Variants in PIWIL2 observed in about 807,000 individuals in gnomAD.
The protein encoded by PIWIL2 is piwi like RNA-mediated gene silencing 2.
A neutral mutation model predicts 116.5 loss-of-function variants in PIWIL2; 81 were observed. The ratio of observed to expected loss-of-function variants is 0.70; its 90% CI spans 0.58 to 0.84. The LOEUF (loss-of-function observed/expected upper bound fraction) is 0.84, where lower values mean the gene tolerates loss of function less well. Among genes scored for constraint, PIWIL2 ranks in the 40% least tolerant of loss-of-function variants. The pLI is 0.00. For synonymous variants in PIWIL2, 489 were observed against 429.5 expected (o/e 1.14, Z -1.71); for missense variants, 1,272 against 1,212.3 (o/e 1.05, Z -0.73).
At chr8:22,344,345 A>G (rs1832177905) in intron 20 of PIWIL2, among the ~76,000 whole-genome samples, 1 of 152,250 alleles carries the variant, frequency 6.6e-6, no homozygotes, top group African/African-American at 2.4e-5. Flanking sequence ...TAGTTAATGT[A>G]TCAACATTTG....
intron 20 of PIWIL2, among the ~76,000 whole-genome samples, chr8:22,333,347 C>T: frequency 6.6e-6 from 1 of 152,126 alleles, no homozygotes; most frequent in Non-Finnish European, 1.5e-5. Flanking sequence ...CGCAGTGGCT[C>T]ACGCCTGTAA....
chr8:22,347,169 CAAAA>C (rs757849935), intron 20 of PIWIL2, among the ~76,000 whole-genome samples: 74 of 75,160 alleles, frequency 9.8e-4, no homozygotes, highest in African/African-American at 3.6e-3. Context: ...GACGTTGTCT[CAAAA>C]AAAAAAAAAA....
chr8:22,327,008 A>G (rs1219883108), intron 20 of PIWIL2, among the ~76,000 whole-genome samples: 2 of 112,912 alleles, frequency 1.8e-5, no homozygotes, highest in African/African-American at 3.4e-5. Context: ...AACAATTGCT[A>G]TTTTCTGTTT....
rs911996912 is a variant in PIWIL2 at position 22,314,364 on chromosome 8, C to T, written c.2026C>T (p.Pro676Ser). The change falls in exon 17 of 23, where the codon CCA becomes TCA. Residue 676 changes from proline (P) to serine (S), a missense_variant. Coordinates refer to ENST00000356766, the MANE Select transcript of PIWIL2 (RefSeq NM_018068.5). ...GATGGTTGTTTGCATCATCATGGGC[C>T]CACGTGATGATCTCTATGGGGCCAT... The part of the protein sequence containing the change: ...IQMVVCIIMG[P>S]RDDLYGAIKK... 1.9e-6 allele frequency: 3 copies of T among 1,580,440 alleles called. No individual in the cohort carries two copies. In the African/African-American group the frequency reaches 4.1e-5, roughly 21 times the overall value.
intron 10 of PIWIL2, among the ~76,000 whole-genome samples, chr8:22,291,117 C>T (rs377063204): frequency 5.3e-5 from 8 of 151,512 alleles, no homozygotes; most frequent in East Asian, 1.9e-4. Flanking sequence ...TATAGGCGCC[C>T]GCCACCATGT....
chr8:22,310,797 T>C (rs914695520), intron 15 of PIWIL2, among the ~76,000 whole-genome samples: 12 of 152,236 alleles, frequency 7.9e-5, no homozygotes, highest in Non-Finnish European at 1.3e-4. Context: ...CCAATTTCTG[T>C]ACTTTACATA....
intron 10 of PIWIL2, among the ~76,000 whole-genome samples, chr8:22,294,355 A>T (rs2132009357): frequency 7.0e-6 from 1 of 143,670 alleles, no homozygotes; most frequent in Middle Eastern, 4.2e-3. Flanking sequence ...AAAAAAAAAA[A>T]AAAGGTCCGA....
intron 10 of PIWIL2, among the ~76,000 whole-genome samples, chr8:22,295,698 G>C (rs760751791): frequency 8.5e-5 from 13 of 152,134 alleles, no homozygotes; most frequent in Non-Finnish European, 1.5e-4. Flanking sequence ...TTCGTTCCCT[G>C]TTCTTATGGA....
intron 1 of PIWIL2, among the ~76,000 whole-genome samples, chr8:22,277,755 G>A (rs1830410503): frequency 6.6e-6 from 1 of 152,162 alleles, no homozygotes; most frequent in Non-Finnish European, 1.5e-5. Flanking sequence ...AGAGAATTTG[G>A]TGCAATCATA....
intron 20 of PIWIL2, among the ~76,000 whole-genome samples, chr8:22,318,538 G>T (rs568436535): frequency 6.6e-6 from 1 of 152,204 alleles, no homozygotes; most frequent in Non-Finnish European, 1.5e-5. Context: ...GGCTGGTTTC[G>T]AACTCCTGAC....
chr8:22,348,952 G>A (rs1832289590), intron 20 of PIWIL2, among the ~76,000 whole-genome samples: 1 of 152,140 alleles, frequency 6.6e-6, no homozygotes, highest in East Asian at 1.9e-4. Flanking sequence ...CTAGGGCTGA[G>A]TGTGGTGCCT....
intron 10 of PIWIL2, among the ~76,000 whole-genome samples, chr8:22,291,130 G>A (rs1435610526): frequency 3.3e-5 from 5 of 151,424 alleles, no homozygotes; most frequent in African/African-American, 9.7e-5. Flanking sequence ...CACCATGTCC[G>A]GCTAATTTTT....
chr8:22,277,995 C>T (rs1563339002), intron 1 of PIWIL2, among the ~76,000 whole-genome samples: 1 of 151,932 alleles, frequency 6.6e-6, no homozygotes, highest in Non-Finnish European at 1.5e-5. Context: ...ATAGAGAAAC[C>T]CCGTCTCTAT....
intron 6 of PIWIL2, among the ~76,000 whole-genome samples, chr8:22,284,633 ACCCTCCC>A (rs1830590635): frequency 8.1e-6 from 1 of 122,876 alleles, no homozygotes. Flanking sequence ...TTCTTAAAGA[ACCCTCCC>A]CCCTCCCCCA....
intron 20 of PIWIL2, among the ~76,000 whole-genome samples, chr8:22,323,284 A>G: frequency 6.6e-6 from 1 of 150,882 alleles, no homozygotes; most frequent in Non-Finnish European, 1.5e-5. Context: ...AGTAGCTGGG[A>G]CTATAGGCGT....
chr8:22,355,341 G>C lies in PIWIL2; in HGVS notation c.2766-8G>C. 1 of 1,613,874 alleles carries C rather than the reference G, an allele frequency of 6.2e-7. No homozygotes were observed. The highest frequency in any genetic ancestry group is 8.5e-7 in the Non-Finnish European group (1 of 1,179,786). On this transcript the variant is annotated splice_polypyrimidine_tract_variant and splice_region_variant and intron_variant, in intron 22 of 22. Transcript: ENST00000356766. ...TGATGAGAATTATATTTTCTTCTTG[G>C]CCTACAGGCTGACTTTCAAACTGTG...
intron 5 of PIWIL2, 38 bp from the exon 6 acceptor site, chr8:22,284,124 T>C: frequency 1.8e-6 from 2 of 1,128,950 alleles, no homozygotes; most frequent in East Asian, 2.4e-5. Context: ...TTTTTTTGTT[T>C]TTGATATATG....
intron 10 of PIWIL2, among the ~76,000 whole-genome samples, chr8:22,300,176 C>T (rs2132022505): frequency 6.6e-6 from 1 of 152,204 alleles, no homozygotes; most frequent in East Asian, 1.9e-4. Flanking sequence ...AGCAGTTCTC[C>T]TACCTAGCCT....
chr8:22,333,099 TTTACGTTACAC>T (rs1159338402), intron 20 of PIWIL2, among the ~76,000 whole-genome samples: 3 of 152,114 alleles, frequency 2.0e-5, no homozygotes, highest in African/African-American at 7.2e-5. Flanking sequence ...AAAGTACTCA[TTTACGTTACAC>T]TTTGATATGC....
Sources: allele counts gnomAD v4.1 joint callset (sites outside exome capture counted in the v4.1 genomes callset), GRCh38; gene constraint gnomAD v4.1.1; transcripts MANE v1.5; gene names NCBI Gene and HGNC (gene_info 2026-07-23, HGNC 2026-07-21).